The following C7orf78 variants were observed in gnomAD, a reference collection of about 807,000 sequenced individuals.
C7orf78 encodes the protein chromosome 7 open reading frame 78.
chr7:12,525,724 C>T, the C7orf78 span: 2 of 388,016 alleles, frequency 5.2e-6, no homozygotes, highest in African/African-American at 4.1e-5. Flanking sequence ...TTACGTTTTA[C>T]CAAGGAAATA....
the C7orf78 span, chr7:12,504,250 G>C: frequency 6.6e-6 from 1 of 152,094 alleles, no homozygotes; most frequent in African/African-American, 2.4e-5. Context: ...TATTGAGCTT[G>C]TTGTTGTGCT....
the C7orf78 span, among the ~76,000 whole-genome samples, chr7:12,533,487 C>T: frequency 6.6e-6 from 1 of 150,638 alleles, no homozygotes; most frequent in Non-Finnish European, 1.5e-5. Context: ...AGGTGTGAGC[C>T]ACAGCGCCCA....
At chr7:12,512,641 C>T in the C7orf78 span, among the ~76,000 whole-genome samples, 1 of 152,134 alleles carries the variant, frequency 6.6e-6, no homozygotes, top group Non-Finnish European at 1.5e-5. Context: ...TATTGGACTA[C>T]TGTAGTTTTC....
At chr7:12,515,433 T>C in the C7orf78 span, among the ~76,000 whole-genome samples, 6 of 152,342 alleles carry the variant, frequency 3.9e-5, no homozygotes, top group African/African-American at 1.4e-4. Flanking sequence ...CCTCATTTTC[T>C]TCCCAGTCTC....
chr7:12,533,496 C>T, the C7orf78 span, among the ~76,000 whole-genome samples: 1 of 148,344 alleles, frequency 6.7e-6, no homozygotes, highest in Non-Finnish European at 1.5e-5. Flanking sequence ...CCACAGCGCC[C>T]AGCCACCAAA....
chr7:12,497,515 C>A, the C7orf78 span, among the ~76,000 whole-genome samples: 3 of 152,208 alleles, frequency 2.0e-5, no homozygotes, highest in Non-Finnish European at 2.9e-5. Context: ...TCGAATACTG[C>A]GCTTTTCCCA....
At chr7:12,496,393 G>A in the C7orf78 span, 1 of 152,138 alleles carries the variant, frequency 6.6e-6, no homozygotes, top group Admixed American at 6.5e-5. Flanking sequence ...GCATTCATGA[G>A]AGCATTAAAG....
the C7orf78 span, among the ~76,000 whole-genome samples, chr7:12,495,882 C>A: frequency 6.6e-6 from 1 of 152,120 alleles, no homozygotes; most frequent in Non-Finnish European, 1.5e-5. Flanking sequence ...TCATTTGCCA[C>A]AACTTGTTGC....
chr7:12,510,463 T>A, the C7orf78 span, among the ~76,000 whole-genome samples: 1 of 152,188 alleles, frequency 6.6e-6, no homozygotes, highest in Non-Finnish European at 1.5e-5. Flanking sequence ...TTATGGTAGT[T>A]CTGTTTTTAC....
the C7orf78 span, chr7:12,525,842 T>A: frequency 5.0e-6 from 2 of 397,098 alleles, no homozygotes; most frequent in East Asian, 7.2e-5. Context: ...TTACCAAACT[T>A]TGAGACAACT....
At chr7:12,496,477 C>T in the C7orf78 span, 3 of 149,524 alleles carry the variant, frequency 2.0e-5, no homozygotes, top group African/African-American at 7.3e-5. Flanking sequence ...TTATTAAGTA[C>T]TCTACTGTCA....
the C7orf78 span, chr7:12,526,019 T>A: frequency 2.8e-5 from 11 of 386,446 alleles, no homozygotes; most frequent in Non-Finnish European, 9.2e-6. Flanking sequence ...CCTTTAATAA[T>A]ACGGTAAATT....
chr7:12,497,179 C>T, the C7orf78 span, among the ~76,000 whole-genome samples: 1 of 152,168 alleles, frequency 6.6e-6, no homozygotes, highest in Non-Finnish European at 1.5e-5. Flanking sequence ...ATCAAATAAA[C>T]TGTAAAGAAA....
At chr7:12,491,995 G>T in the C7orf78 span, 2 of 152,168 alleles carry the variant, frequency 1.3e-5, no homozygotes, top group Non-Finnish European at 2.9e-5. Context: ...GCCTCAAAAA[G>T]AAACTATGAA....
the C7orf78 span, among the ~76,000 whole-genome samples, chr7:12,496,065 A>G: frequency 6.6e-6 from 1 of 151,998 alleles, no homozygotes; most frequent in Non-Finnish European, 1.5e-5. Flanking sequence ...AGGTGCAACT[A>G]CAGGTGCCCG....
At chr7:12,503,954 A>T in the C7orf78 span, among the ~76,000 whole-genome samples, 1 of 152,198 alleles carries the variant, frequency 6.6e-6, no homozygotes, top group South Asian at 2.1e-4. Context: ...TGAAAAAAAG[A>T]AAAAGGAAAC....
chr7:12,507,906 C>T, the C7orf78 span, among the ~76,000 whole-genome samples: 1 of 152,130 alleles, frequency 6.6e-6, no homozygotes, highest in Admixed American at 6.5e-5. Flanking sequence ...ATTTACCAGA[C>T]CGTCTTTTCA....
chr7:12,520,930 A>G, the C7orf78 span, among the ~76,000 whole-genome samples: 3 of 152,174 alleles, frequency 2.0e-5, no homozygotes, highest in Non-Finnish European at 4.4e-5. Context: ...CTATTGTTAT[A>G]TCTTCTTCCT....
At chr7:12,523,011 A>G in the C7orf78 span, 20 of 398,218 alleles carry the variant, frequency 5.0e-5, no homozygotes, top group African/African-American at 3.7e-4. Flanking sequence ...ATATACCATG[A>G]GTCTCAGAGA....
Sources: gnomAD v4.1 joint callset for allele counts (sites outside exome capture counted in the v4.1 genomes callset) on GRCh38, gnomAD v4.1.1 for gene constraint, MANE v1.5 for transcripts, NCBI Gene and HGNC (gene_info 2026-07-23, HGNC 2026-07-21) for gene names.